The following NELL1 variants were observed in gnomAD, a reference collection of about 807,000 sequenced individuals.
NELL1 encodes neural EGFL like 1, also known as protein kinase C-binding protein NELL1.
NELL1 carries 76 observed loss-of-function variants against 107.4 expected under a neutral mutation model. The observed-to-expected ratio is 0.71, with a 90% CI of 0.59 to 0.86. The LOEUF (loss-of-function observed/expected upper bound fraction) is 0.86. Among genes scored for constraint, NELL1 ranks in the 40% least tolerant of loss-of-function variants. The probability of loss-of-function intolerance (pLI) is 0.00; values close to 1 mark genes in which losing one functional copy is unlikely to be tolerated. For missense variants in NELL1, 1,024 were observed against 1,005.5 expected, an observed-to-expected ratio of 1.02 and a Z score of -0.25; for synonymous variants, 353 against 341.2, an observed-to-expected ratio of 1.03 and a Z score of -0.38.
intron 13 of NELL1, among the ~76,000 whole-genome samples, chr11:21,180,651 C>T (rs897593929): frequency 2.6e-5 from 4 of 151,598 alleles, no homozygotes; most frequent in African/African-American, 9.8e-5. Context: ...AACACATTGG[C>T]CTCGTACTTT....
At chr11:21,305,042 A>T (rs1240104253) in intron 14 of NELL1, among the ~76,000 whole-genome samples, 1 of 152,002 alleles carries the variant, frequency 6.6e-6, no homozygotes, top group Non-Finnish European at 1.5e-5. Context: ...TCCATGTTAT[A>T]TGAAAGAGTC....
chr11:20,985,110 G>T (rs931613815), intron 12 of NELL1, among the ~76,000 whole-genome samples: 3 of 152,104 alleles, frequency 2.0e-5, no homozygotes, highest in African/African-American at 7.2e-5. Context: ...TTTACCTGTT[G>T]TTAGATATAT....
At chr11:21,531,179 A>C (rs529897002) in intron 15 of NELL1, among the ~76,000 whole-genome samples, 2 of 152,300 alleles carry the variant, frequency 1.3e-5, no homozygotes, top group South Asian at 4.1e-4. Flanking sequence ...ACAAACACAC[A>C]CACACATATA....
chr11:21,341,541 T>C (rs1850565413), intron 14 of NELL1, among the ~76,000 whole-genome samples: 1 of 152,198 alleles, frequency 6.6e-6, no homozygotes, highest in Non-Finnish European at 1.5e-5. Context: ...GGAGTATATG[T>C]GATGAATTAT....
intron 15 of NELL1, among the ~76,000 whole-genome samples, chr11:21,391,299 T>C (rs1370083648): frequency 1.3e-5 from 2 of 151,772 alleles, no homozygotes; most frequent in Non-Finnish European, 1.5e-5. Flanking sequence ...CGTTTTTTCA[T>C]CCTCAGGAAA....
At chr11:20,978,346 A>T (rs1479135469) in intron 12 of NELL1, among the ~76,000 whole-genome samples, 1 of 152,202 alleles carries the variant, frequency 6.6e-6, no homozygotes, top group African/African-American at 2.4e-5. Flanking sequence ...CCAAAGATCC[A>T]AGAGAATTAA....
chr11:21,336,651 G>GTATA (rs71034503), intron 14 of NELL1, among the ~76,000 whole-genome samples: 15 of 132,044 alleles, frequency 1.1e-4, no homozygotes, highest in African/African-American at 3.9e-4. Flanking sequence ...ATATGTGTGT[G>GTATA]TATATATATA....
At chr11:20,872,486 A>T (rs1849220917) in intron 4 of NELL1, among the ~76,000 whole-genome samples, 1 of 152,114 alleles carries the variant, frequency 6.6e-6, no homozygotes, top group Admixed American at 6.5e-5. Context: ...CCAGGCTGGC[A>T]CCTATAAGTC....
intron 3 of NELL1, among the ~76,000 whole-genome samples, chr11:20,803,290 T>C (rs924188979): frequency 1.3e-5 from 2 of 152,214 alleles, no homozygotes; most frequent in Admixed American, 1.3e-4. Context: ...GGTTCAATCT[T>C]GGGAGGTTGT....
At chr11:21,205,466 C>A (rs1247343633) in intron 13 of NELL1, among the ~76,000 whole-genome samples, 1 of 152,272 alleles carries the variant, frequency 6.6e-6, no homozygotes, top group East Asian at 1.9e-4. Flanking sequence ...AGACGGCATT[C>A]CCCCCACCAA....
intron 2 of NELL1, among the ~76,000 whole-genome samples, chr11:20,679,872 A>G (rs764286182): frequency 2.0e-5 from 3 of 152,308 alleles, no homozygotes; most frequent in East Asian, 1.9e-4. Context: ...CTTTTGTACT[A>G]TGTACCTTAT....
intron 3 of NELL1, among the ~76,000 whole-genome samples, chr11:20,821,818 C>T (rs1475695784): frequency 6.6e-6 from 1 of 152,194 alleles, no homozygotes; most frequent in African/African-American, 2.4e-5. Context: ...ATCTGAGTAC[C>T]AGGGCTTCTC....
chr11:20,824,100 C>A (rs1291669709), intron 3 of NELL1, among the ~76,000 whole-genome samples: 1 of 151,056 alleles, frequency 6.6e-6, no homozygotes, highest in African/African-American at 2.4e-5. Flanking sequence ...AGGTGATTCC[C>A]CCCATGCTGT....
intron 14 of NELL1, among the ~76,000 whole-genome samples, chr11:21,360,577 G>C (rs770071197): frequency 1.3e-5 from 2 of 152,088 alleles, no homozygotes; most frequent in Non-Finnish European, 2.9e-5. Context: ...GTCTAGTGCT[G>C]TTAGTGGGGT....
chr11:21,476,094 T>G, intron 15 of NELL1, among the ~76,000 whole-genome samples: 1 of 152,292 alleles, frequency 6.6e-6, no homozygotes, highest in South Asian at 2.1e-4. Context: ...TAAATTAACT[T>G]ACTTAACCAG....
chr11:20,993,402 G>A (rs77307254), intron 12 of NELL1, among the ~76,000 whole-genome samples: 1 of 152,110 alleles, frequency 6.6e-6, no homozygotes, highest in African/African-American at 2.4e-5. Flanking sequence ...TAAATTTGAT[G>A]GTAAGGCTTT....
chr11:21,502,124 T>C (rs538958080), intron 15 of NELL1, among the ~76,000 whole-genome samples: 7 of 152,194 alleles, frequency 4.6e-5, no homozygotes, highest in Admixed American at 4.6e-4. Flanking sequence ...CTCTTGATAG[T>C]ATTATAAATA....
chr11:20,775,161 G>A lies in NELL1; in HGVS notation c.185-8519G>A, dbSNP rs1856724959. On this transcript the variant is annotated intron_variant, in intron 2 of 19. Coordinates refer to ENST00000357134, the MANE Select transcript of NELL1 (RefSeq NM_006157.5). ...GAAGATTTGGAAAATTCAGACATGT[G>A]GAAAGAGGAAAAATTTCACCCATGT... is the stretch of plus-strand genomic sequence containing the variant. 2.0e-5 allele frequency among the ~76,000 whole-genome samples: 3 copies of A among 151,966 alleles called. No individual in the cohort carries two copies. The South Asian group carries it at 6.2e-4, about 31-fold the overall frequency.
intron 12 of NELL1, among the ~76,000 whole-genome samples, chr11:21,102,795 CA>C (rs1854854204): frequency 6.6e-6 from 1 of 152,094 alleles, no homozygotes; most frequent in African/African-American, 2.4e-5. Flanking sequence ...AATTATTATG[CA>C]TTTAAAATTG....
Sources: gnomAD v4.1 joint callset for allele counts (sites outside exome capture counted in the v4.1 genomes callset) on GRCh38, gnomAD v4.1.1 for gene constraint, MANE v1.5 for transcripts, NCBI Gene and HGNC (gene_info 2026-07-23, HGNC 2026-07-21) for gene names.